SPTBN4: variants seen among roughly 807,000 people sequenced by gnomAD.
SPTBN4 encodes spectrin beta chain, non-erythrocytic 4.
In SPTBN4, 96 loss-of-function variants were observed where a neutral mutation model predicts 277.8. The observed-to-expected ratio is 0.35, with a 90% CI of 0.29 to 0.41. SPTBN4 has a LOEUF of 0.41. Ranked by LOEUF, SPTBN4 falls within the 10% of genes least tolerant of loss-of-function variation. The pLI, the probability that SPTBN4 is intolerant of heterozygous loss-of-function variation, is 1.00. For missense variants in SPTBN4, 3,006 were observed against 3,595.7 expected, an observed-to-expected ratio of 0.84 and a Z score of 4.19; for synonymous variants, 1,481 against 1,580.3, an observed-to-expected ratio of 0.94 and a Z score of 1.49.
chr19:40,471,996 C>T (rs1568750711), intron 1 of SPTBN4, among the ~76,000 whole-genome samples: 1 of 151,274 alleles, frequency 6.6e-6, no homozygotes, highest in Non-Finnish European at 1.5e-5. Flanking sequence ...CCACAACCTC[C>T]GCCTCCCGGG....
In SPTBN4 at chr19:40,556,996, ACC is replaced by A. The variant is rs34510741; in HGVS notation, c.5290-17_5290-16del. The A allele has an allele frequency of 7.6e-3, 10,169 of 1,345,120 alleles. 63 individuals are homozygous for A. The highest frequency in any genetic ancestry group is 9.7e-3 in the Middle Eastern group (44 of 4,556). 83.3% of individuals were successfully genotyped at this position (1,345,120 alleles called of 1,614,324 possible). The stretch of plus-strand genomic sequence containing the variant: ...GCTGCCCCTTTGCTCACTTTGCTGT[ACC>A]CCCCCCCCCACTTCCTGATGGCAGG... On this transcript the variant is annotated intron_variant, in intron 25 of 35. Coordinates refer to ENST00000598249, the MANE Select transcript of SPTBN4 (RefSeq NM_020971.3).
intron 22 of SPTBN4, 120 bp downstream of exon 22, chr19:40,550,447 G>A (rs1021653659): frequency 1.2e-6 from 1 of 848,720 alleles, no homozygotes; most frequent in Non-Finnish European, 1.9e-6. Flanking sequence ...CAAGACTGTG[G>A]ACAGCAGATA....
chr19:40,529,771 C>T (rs1407882980), intron 18 of SPTBN4, among the ~76,000 whole-genome samples: 2 of 152,080 alleles, frequency 1.3e-5, no homozygotes, highest in South Asian at 4.1e-4. Context: ...TTTCCTAAAC[C>T]CTAAACAGAG....
At chr19:40,509,030 C>T (rs2080360595) in intron 13 of SPTBN4, among the ~76,000 whole-genome samples, 1 of 150,832 alleles carries the variant, frequency 6.6e-6, no homozygotes, top group Admixed American at 6.6e-5. Flanking sequence ...AGAGTGGCCC[C>T]ATCTGATATG....
At position 40,512,927 on chromosome 19, in the gene SPTBN4, C is replaced by T. The variant is rs1305944879; in HGVS notation, c.2138C>T (p.Ala713Val). The T allele has an allele frequency of 7.0e-7, 1 of 1,425,394 alleles. No individual in the cohort carries two copies. The highest frequency in any genetic ancestry group is 9.1e-7 in the Non-Finnish European group (1 of 1,100,720). The allele number at this position is 1,425,394 out of a possible 1,614,324, so 88.3% of individuals were successfully genotyped here. ...ILQGELGGRR[A>V]LLQQALRCGE... is the part of the protein sequence containing the mutation. ...CAGGGCGAGCTGGGCGGGCGGCGAG[C>T]GTTGCTGCAGCAGGCCCTGCGGTGT... Residue 713 changes from alanine (A) to valine (V), a missense_variant, in exon 14 of 36, where the codon GCG becomes GTG. Physicochemically the swap from Ala to Val is moderately conservative, Grantham distance 64. Transcript: ENST00000598249.
At chr19:40,571,907 C>G in intron 33 of SPTBN4, 112 bp from the exon 34 acceptor site, 7 of 1,299,716 alleles carry the variant, frequency 5.4e-6, no homozygotes, top group Non-Finnish European at 7.1e-6. Flanking sequence ...AACTAGGGCG[C>G]AAAGGTCCAG....
chr19:40,473,773 C>T (rs1568752905), intron 2 of SPTBN4, among the ~76,000 whole-genome samples: 1 of 151,876 alleles, frequency 6.6e-6, no homozygotes, highest in Non-Finnish European at 1.5e-5. Context: ...AAGCATATTC[C>T]CTTAGAATCC....
chr19:40,548,182 C>A (rs1276350982), intron 20 of SPTBN4, among the ~76,000 whole-genome samples: 1 of 152,152 alleles, frequency 6.6e-6, no homozygotes, highest in Non-Finnish European at 1.5e-5. Context: ...ATTACTATAG[C>A]TTTGTATTTA....
chr19:40,528,748 CT>C (rs1477453600), intron 17 of SPTBN4, among the ~76,000 whole-genome samples: 1 of 151,836 alleles, frequency 6.6e-6, no homozygotes, highest in African/African-American at 2.4e-5. Flanking sequence ...TCTGTCTTTA[CT>C]TCTCTGTTAT....
At chr19:40,509,308 C>T (rs901421922) in intron 13 of SPTBN4, among the ~76,000 whole-genome samples, 3 of 152,064 alleles carry the variant, frequency 2.0e-5, no homozygotes, top group African/African-American at 7.2e-5. Flanking sequence ...TGCAATGGCG[C>T]GATCTCGGCT....
At chr19:40,570,913 G>C in intron 33 of SPTBN4, 185 bp downstream of exon 33, 4 of 627,804 alleles carry the variant, frequency 6.4e-6, no homozygotes, top group Non-Finnish European at 1.0e-5. Context: ...ATGAGCAGGA[G>C]GGGGTGTGGT....
At chr19:40,509,232 GATT>G (rs1388799138) in intron 13 of SPTBN4, among the ~76,000 whole-genome samples, 4 of 151,430 alleles carry the variant, frequency 2.6e-5, no homozygotes, top group African/African-American at 7.3e-5. Context: ...ATTTCTGTGA[GATT>G]ATTATTTTTA....
At chr19:40,514,501 G>A (rs1390767353) in intron 14 of SPTBN4, among the ~76,000 whole-genome samples, 1 of 152,210 alleles carries the variant, frequency 6.6e-6, no homozygotes, top group Admixed American at 6.5e-5. Flanking sequence ...ATGGGCTGGA[G>A]CGATTTTCCA....
chr19:40,493,102 T>G, intron 5 of SPTBN4, 48 bp downstream of exon 5: 1 of 1,570,396 alleles, frequency 6.4e-7, no homozygotes, highest in Non-Finnish European at 8.8e-7. Context: ...AGTGGTCCCC[T>G]AACCTCTGCA....
At chr19:40,527,306 CTG>C (rs969498329) in intron 17 of SPTBN4, among the ~76,000 whole-genome samples, 11 of 152,134 alleles carry the variant, frequency 7.2e-5, no homozygotes, top group African/African-American at 2.7e-4. Flanking sequence ...CTCTCTGCCA[CTG>C]TGTTTCTTGC....
chr19:40,566,990 A>C (rs530772280), intron 30 of SPTBN4: 27 of 297,648 alleles, frequency 9.1e-5, no homozygotes, highest in African/African-American at 4.5e-4. Context: ...AAAACAACAA[A>C]AAAAAACCGC....
Position 40,530,747 on chromosome 19 carries a change from G to A in SPTBN4, c.3948+1616G>A, listed in dbSNP as rs1027021445. The A allele has an allele frequency of 3.5e-5, 7 of 198,684 alleles. No homozygotes were observed. The South Asian group carries it at 5.2e-4, about 15-fold the overall frequency. 12.3% of individuals were successfully genotyped at this position (198,684 alleles called of 1,614,324 possible). ...AGGCGCCCGGACCCCCACCCTGGGGGAGGGGCAAGGACGCCGGGAGCTGTC... is the reference window on the plus strand; with the variant it reads ...AGGCGCCCGGACCCCCACCCTGGGGAAGGGGCAAGGACGCCGGGAGCTGTC... On this transcript the variant is annotated intron_variant, in intron 18 of 35. Transcript: ENST00000598249.
At chr19:40,489,293 G>A (rs2080110135) in intron 3 of SPTBN4, among the ~76,000 whole-genome samples, 1 of 152,066 alleles carries the variant, frequency 6.6e-6, no homozygotes, top group Non-Finnish European at 1.5e-5. Context: ...CATAAACAAG[G>A]GGAAGAGCAC....
At chr19:40,559,840 T>C (rs564243294) in intron 26 of SPTBN4, among the ~76,000 whole-genome samples, 1 of 152,240 alleles carries the variant, frequency 6.6e-6, no homozygotes, top group South Asian at 2.1e-4. Flanking sequence ...GACATCAAAG[T>C]GGAAAGGGGT....
Sources: allele counts gnomAD v4.1 joint callset (sites outside exome capture counted in the v4.1 genomes callset), GRCh38; gene constraint gnomAD v4.1.1; transcripts MANE v1.5; gene names NCBI Gene and HGNC (gene_info 2026-07-23, HGNC 2026-07-21).